Variants in SOX6 observed in about 807,000 individuals in gnomAD.
SOX6 encodes SRY-box transcription factor 6.
A neutral mutation model predicts 97.8 loss-of-function variants in SOX6; 11 were observed. That is an observed-to-expected ratio of 0.11 (90% CI 0.07 to 0.19). The LOEUF (loss-of-function observed/expected upper bound fraction) is 0.19, where lower values mean the gene tolerates loss of function less well. Ranked by LOEUF, SOX6 falls within the 10% of genes least tolerant of loss-of-function variation. SOX6 has a pLI of 1.00. For synonymous variants in SOX6, 360 were observed against 371.4 expected, an observed-to-expected ratio of 0.97 and a Z score of 0.35; for missense variants, 810 against 1,039.5, an observed-to-expected ratio of 0.78 and a Z score of 3.04.
intron 4 of SOX6, among the ~76,000 whole-genome samples, chr11:16,578,269 T>G (rs1435127145): frequency 6.6e-6 from 1 of 152,208 alleles, no homozygotes; most frequent in African/African-American, 2.4e-5. Flanking sequence ...AATTTTGAAT[T>G]ATGGTTACTT....
chr11:16,180,455 TA>T (rs1443976563), intron 6 of SOX6, among the ~76,000 whole-genome samples: 1 of 151,706 alleles, frequency 6.6e-6, no homozygotes, highest in African/African-American at 2.4e-5. Flanking sequence ...ATAGACTTGG[TA>T]AAAAATATGC....
chr11:16,201,365 A>G (rs1207863222), intron 4 of SOX6, among the ~76,000 whole-genome samples: 1 of 152,074 alleles, frequency 6.6e-6, no homozygotes, highest in Non-Finnish European at 1.5e-5. Context: ...TGATTTTTAA[A>G]TGTCATAAAA....
intron 3 of SOX6, chr11:16,317,816 A>G (rs888294237): frequency 4.3e-6 from 1 of 235,116 alleles, no homozygotes; most frequent in Admixed American, 4.7e-5. Context: ...GACTTGATTT[A>G]CTTTGTTTAA....
chr11:16,707,031 T>C (rs888811805), intron 3 of SOX6, among the ~76,000 whole-genome samples: 23 of 152,130 alleles, frequency 1.5e-4, no homozygotes, highest in Non-Finnish European at 3.4e-4. Context: ...ATAAGCGAAA[T>C]CATTCAATAA....
chr11:16,583,599 ATGTG>A (rs1287304934), intron 4 of SOX6, among the ~76,000 whole-genome samples: 2 of 104,898 alleles, frequency 1.9e-5, no homozygotes, highest in African/African-American at 3.5e-5. Flanking sequence ...ATATGTATAT[ATGTG>A]TATATATATA....
At chr11:16,058,982 A>G (rs1187446529) in intron 9 of SOX6, among the ~76,000 whole-genome samples, 1 of 152,020 alleles carries the variant, frequency 6.6e-6, no homozygotes, top group East Asian at 1.9e-4. Context: ...CTGTTCCTTT[A>G]ATGATACATG....
intron 4 of SOX6, among the ~76,000 whole-genome samples, chr11:16,230,232 A>ATAAAAACAGTG (rs887868026): frequency 6.6e-6 from 1 of 151,756 alleles, no homozygotes; most frequent in African/African-American, 2.4e-5. Flanking sequence ...AAACAATTCC[A>ATAAAAACAGTG]TAAATTAAAA....
At chr11:16,657,905 CT>C (rs1196564180) in intron 3 of SOX6, among the ~76,000 whole-genome samples, 1 of 152,118 alleles carries the variant, frequency 6.6e-6, no homozygotes, top group African/African-American at 2.4e-5. Flanking sequence ...TATAATGTTT[CT>C]AAGAGTCATC....
intron 6 of SOX6, among the ~76,000 whole-genome samples, chr11:16,139,007 C>A (rs1388058900): frequency 6.6e-6 from 1 of 152,068 alleles, no homozygotes; most frequent in Admixed American, 6.6e-5. Context: ...GTAGACTGTA[C>A]CTAAACTTTT....
At chr11:16,317,314 T>C (rs894823860) in intron 3 of SOX6, 1 of 151,540 alleles carries the variant, frequency 6.6e-6, no homozygotes, top group East Asian at 1.9e-4. Context: ...AATATTCATA[T>C]AGTTTACAGT....
intron 3 of SOX6, among the ~76,000 whole-genome samples, chr11:16,709,635 G>C (rs914291383): frequency 6.6e-6 from 1 of 152,146 alleles, no homozygotes; most frequent in Non-Finnish European, 1.5e-5. Context: ...CCAAGCAGAT[G>C]CCACTGCCAT....
intron 1 of SOX6, among the ~76,000 whole-genome samples, chr11:16,352,139 A>G (rs573243385): frequency 6.6e-6 from 1 of 152,218 alleles, no homozygotes; most frequent in East Asian, 1.9e-4. Context: ...AATTCACCTC[A>G]TATTTTAAAA....
intron 4 of SOX6, among the ~76,000 whole-genome samples, chr11:16,552,970 A>G (rs1280361296): frequency 2.0e-5 from 3 of 152,218 alleles, no homozygotes; most frequent in Non-Finnish European, 4.4e-5. Context: ...TTATTTGATA[A>G]ATAACATTAT....
At chr11:16,271,564 T>C (rs1565061406) in intron 3 of SOX6, among the ~76,000 whole-genome samples, 2 of 151,396 alleles carry the variant, frequency 1.3e-5, no homozygotes, top group Non-Finnish European at 3.0e-5. Flanking sequence ...TTAGGCTTTC[T>C]ATCTTTAACA....
intron 3 of SOX6, among the ~76,000 whole-genome samples, chr11:16,248,394 C>A (rs1196125771): frequency 4.6e-5 from 7 of 152,204 alleles, no homozygotes; most frequent in African/African-American, 1.7e-4. Flanking sequence ...TCCTTCCACA[C>A]TGCCCTATCA....
intron 4 of SOX6, among the ~76,000 whole-genome samples, chr11:16,565,946 A>G (rs1446102571): frequency 1.3e-5 from 2 of 151,956 alleles, no homozygotes; most frequent in African/African-American, 2.4e-5. Flanking sequence ...AATACAAAAA[A>G]TTAGTCAGGC....
intron 9 of SOX6, among the ~76,000 whole-genome samples, chr11:16,056,420 T>C (rs137890725): frequency 6.6e-6 from 1 of 152,292 alleles, no homozygotes; most frequent in Non-Finnish European, 1.5e-5. Flanking sequence ...CCAAGGCCAC[T>C]AAGGCCTAGT....
intron 1 of SOX6, among the ~76,000 whole-genome samples, chr11:16,411,353 T>A (rs1590193275): frequency 1.3e-5 from 2 of 152,136 alleles, no homozygotes; most frequent in East Asian, 1.9e-4. Flanking sequence ...CTTTTCCTAA[T>A]GAAAGTATCA....
At chr11:16,455,264 T>C (rs755143040) in intron 1 of SOX6, among the ~76,000 whole-genome samples, 18 of 152,022 alleles carry the variant, frequency 1.2e-4, no homozygotes, top group Non-Finnish European at 2.4e-4. Flanking sequence ...AAACCACAGT[T>C]TATCACCACA....
Sources: allele counts gnomAD v4.1 joint callset (sites outside exome capture counted in the v4.1 genomes callset), GRCh38; gene constraint gnomAD v4.1.1; transcripts MANE v1.5; gene names NCBI Gene and HGNC (gene_info 2026-07-23, HGNC 2026-07-21).